CAMK1D: variants seen among roughly 807,000 people sequenced by gnomAD.
The protein encoded by CAMK1D is calcium/calmodulin dependent protein kinase ID.
CAMK1D carries 9 observed loss-of-function variants against 47.7 expected under a neutral mutation model. That is an observed-to-expected ratio of 0.19 (90% CI 0.11 to 0.33). CAMK1D has a LOEUF of 0.33. Among genes scored for constraint, CAMK1D ranks in the 10% least tolerant of loss-of-function variants. The pLI, the probability that CAMK1D is intolerant of heterozygous loss-of-function variation, is 1.00. For synonymous variants in CAMK1D, 184 were observed against 184.9 expected, an observed-to-expected ratio of 0.99 and a Z score of 0.04; for missense variants, 291 against 488.7, an observed-to-expected ratio of 0.60 and a Z score of 3.81.
intron 2 of CAMK1D, among the ~76,000 whole-genome samples, chr10:12,611,514 G>A (rs900835496): frequency 6.6e-6 from 1 of 150,826 alleles, no homozygotes; most frequent in African/African-American, 2.4e-5. Flanking sequence ...GAGCTCTGCT[G>A]TGTGGTACCT....
chr10:12,484,823 T>TCTGGGGGGGAGGGGGTGGGG (rs1554776036), intron 1 of CAMK1D, among the ~76,000 whole-genome samples: 1 of 135,616 alleles, frequency 7.4e-6, no homozygotes, highest in Non-Finnish European at 1.6e-5. Context: ...GCACAGTGAC[T>TCTGGGGGGGAGGGGGTGGGG]CTGGGGGGGA....
chr10:12,559,781 G>C (rs1836878745), intron 2 of CAMK1D, among the ~76,000 whole-genome samples: 2 of 152,160 alleles, frequency 1.3e-5, no homozygotes, highest in African/African-American at 4.8e-5. Context: ...GGCAGTGCCA[G>C]GCCTGGGGAG....
At chr10:12,581,477 G>A (rs765571096) in intron 2 of CAMK1D, among the ~76,000 whole-genome samples, 80 of 152,196 alleles carry the variant, frequency 5.3e-4, no homozygotes, top group Non-Finnish European at 8.8e-4. Flanking sequence ...GTTTTCCATA[G>A]CGGTTTTACT....
At chr10:12,620,218 A>T (rs988275533) in intron 2 of CAMK1D, among the ~76,000 whole-genome samples, 4 of 127,016 alleles carry the variant, frequency 3.1e-5, no homozygotes, top group Non-Finnish European at 6.7e-5. Context: ...AAAAAAAAAA[A>T]TAAAGCTGCT....
At chr10:12,480,367 G>A (rs1272266637) in intron 1 of CAMK1D, among the ~76,000 whole-genome samples, 1 of 151,976 alleles carries the variant, frequency 6.6e-6, no homozygotes, top group Non-Finnish European at 1.5e-5. Flanking sequence ...CCCGGGAGGC[G>A]GAGGTTGCAG....
chr10:12,384,713 G>C (rs1455481064), intron 1 of CAMK1D, among the ~76,000 whole-genome samples: 2 of 151,958 alleles, frequency 1.3e-5, no homozygotes, highest in African/African-American at 4.8e-5. Context: ...CCTAATATAA[G>C]AACTAAAACT....
intron 2 of CAMK1D, among the ~76,000 whole-genome samples, chr10:12,622,451 A>G (rs1839028064): frequency 6.6e-6 from 1 of 152,062 alleles, no homozygotes; most frequent in African/African-American, 2.4e-5. Flanking sequence ...TCTCAGTGCC[A>G]GGTTCTTCTT....
intron 2 of CAMK1D, among the ~76,000 whole-genome samples, chr10:12,576,630 A>G (rs1441711132): frequency 6.6e-6 from 1 of 152,100 alleles, no homozygotes; most frequent in African/African-American, 2.4e-5. Context: ...GGAACACACA[A>G]CCTAGGTTCC....
At chr10:12,506,764 C>A (rs964170306) in intron 1 of CAMK1D, among the ~76,000 whole-genome samples, 1 of 152,028 alleles carries the variant, frequency 6.6e-6, no homozygotes, top group Non-Finnish European at 1.5e-5. Flanking sequence ...GTGATCCGCC[C>A]GCCTCAGCCT....
intron 1 of CAMK1D, among the ~76,000 whole-genome samples, chr10:12,506,166 C>A (rs866920184): frequency 1.3e-5 from 2 of 152,134 alleles, no homozygotes; most frequent in Non-Finnish European, 2.9e-5. Context: ...TGCCTGTAAT[C>A]CCAGCACTTT....
At chr10:12,604,959 C>T (rs543888911) in intron 2 of CAMK1D, among the ~76,000 whole-genome samples, 1 of 151,704 alleles carries the variant, frequency 6.6e-6, no homozygotes, top group African/African-American at 2.4e-5. Context: ...GCAATCTCAA[C>T]TCACTGCAAC....
chr10:12,511,181 T>G (rs1374010681), intron 1 of CAMK1D, among the ~76,000 whole-genome samples: 1 of 152,212 alleles, frequency 6.6e-6, no homozygotes, highest in Non-Finnish European at 1.5e-5. Context: ...ACGTCTGTCT[T>G]CCTCTGCCTT....
At chr10:12,723,559 C>T (rs1354245849) in intron 3 of CAMK1D, among the ~76,000 whole-genome samples, 3 of 152,120 alleles carry the variant, frequency 2.0e-5, no homozygotes, top group East Asian at 3.9e-4. Context: ...GAACATGCAT[C>T]TTTTGCTAAT....
intron 2 of CAMK1D, among the ~76,000 whole-genome samples, chr10:12,560,484 T>C (rs11257889): frequency 0.49 from 70,121 of 143,820 alleles, 17,745 homozygotes; most frequent in Non-Finnish European, 0.58. Context: ...ACCCAGGAGG[T>C]GGAAGTTGCA....
intron 2 of CAMK1D, among the ~76,000 whole-genome samples, chr10:12,631,780 G>C (rs1005794298): frequency 5.9e-5 from 9 of 151,326 alleles, no homozygotes; most frequent in African/African-American, 2.2e-4. Context: ...CTGTCATTCA[G>C]AATTGGGAAC....
At chr10:12,590,811 A>C (rs1837973524) in intron 2 of CAMK1D, among the ~76,000 whole-genome samples, 1 of 152,198 alleles carries the variant, frequency 6.6e-6, no homozygotes, top group Admixed American at 6.5e-5. Context: ...TTTGGAGATG[A>C]ACAATGAGAG....
intron 1 of CAMK1D, among the ~76,000 whole-genome samples, chr10:12,366,415 C>T (rs962661516): frequency 2.0e-5 from 3 of 151,908 alleles, no homozygotes; most frequent in African/African-American, 7.3e-5. Context: ...AGCACTTTGG[C>T]AGGCCAAGGT....
intron 1 of CAMK1D, among the ~76,000 whole-genome samples, chr10:12,479,567 A>T (rs1258209546): frequency 6.6e-6 from 1 of 152,134 alleles, no homozygotes; most frequent in African/African-American, 2.4e-5. Flanking sequence ...CCATGCTTTG[A>T]GCAGCTCTGT....
chr10:12,742,516 A>G (rs1268644674), intron 3 of CAMK1D, among the ~76,000 whole-genome samples: 2 of 152,226 alleles, frequency 1.3e-5, no homozygotes, highest in African/African-American at 4.8e-5. Context: ...CGAGTTGTGC[A>G]ACCATCACCT....
Sources: gnomAD v4.1 joint callset for allele counts (sites outside exome capture counted in the v4.1 genomes callset) on GRCh38, gnomAD v4.1.1 for gene constraint, MANE v1.5 for transcripts, NCBI Gene and HGNC (gene_info 2026-07-23, HGNC 2026-07-21) for gene names.